The following FAM177A1 variants were observed in gnomAD, a reference collection of about 807,000 sequenced individuals.
FAM177A1 encodes protein FAM177A1.
FAM177A1 carries 22 observed loss-of-function variants against 26.1 expected under a neutral mutation model. The observed-to-expected ratio is 0.84, with a 90% CI of 0.60 to 1.20. FAM177A1 has a LOEUF of 1.20. FAM177A1 is among the 50% of genes most tolerant of loss of function. The pLI, the probability that FAM177A1 is intolerant of heterozygous loss-of-function variation, is 0.00. For missense variants in FAM177A1, 296 were observed against 291.1 expected, an observed-to-expected ratio of 1.02 and a Z score of -0.12; for synonymous variants, 95 against 99.3, an observed-to-expected ratio of 0.96 and a Z score of 0.26.
intron 2 of FAM177A1, among the ~76,000 whole-genome samples, chr14:35,069,275 A>G (rs1168129519): frequency 1.4e-5 from 2 of 146,972 alleles, no homozygotes; most frequent in African/African-American, 2.5e-5. Flanking sequence ...ATGCTTATCC[A>G]TTGGAGTAGG....
chr14:35,046,601 CG>C lies in FAM177A1; in HGVS notation c.139del (p.Ala47ArgfsTer10). On this transcript the variant is annotated frameshift_variant, in exon 1 of 5. Coordinates refer to ENST00000280987, the MANE Select transcript of FAM177A1 (RefSeq NM_173607.5). LOFTEE classifies it high-confidence loss of function. Reference sequence around the variant, plus strand: ...TCGCAGCCTCGGGAGCTGCGGCCGCCGCGGCATTCGGGGAATCTGCAGGGCA... The same window carrying C: ...TCGCAGCCTCGGGAGCTGCGGCCGCCCGGCATTCGGGGAATCTGCAGGGCA... Reference protein sequence around the residue: ...AVAASGAAAAAAFGESAGQMS... With the variant: ...AVAASGAAAAXAFGESAGQMS... 5 of 1,551,986 alleles carry C rather than the reference CG, an allele frequency of 3.2e-6. No homozygotes were observed. Among genetic ancestry groups the C allele is most frequent in the Non-Finnish European group, 2.6e-6 (3 of 1,149,192 alleles).
Position 35,052,923 on chromosome 14 carries a change from GA to G in FAM177A1, c.166-346del, listed in dbSNP as rs1012025894. Among the ~76,000 whole-genome samples, 29 of 151,320 alleles carry G rather than the reference GA, an allele frequency of 1.9e-4. No homozygotes were observed. The East Asian group carries it at 1.9e-3, about 10-fold the overall frequency. On this transcript the variant is annotated intron_variant, in intron 1 of 4. Coordinates refer to ENST00000280987, the MANE Select transcript of FAM177A1 (RefSeq NM_173607.5). Reference sequence around the variant, plus strand: ...GGCAACAGCCAGACCCTGTCTGGGGGAAAAAAAAATTCCATAGACTACTAAA... The same window carrying G: ...GGCAACAGCCAGACCCTGTCTGGGGGAAAAAAAATTCCATAGACTACTAAA...
chr14:35,046,675 C>T, intron 1 of FAM177A1, 47 bp downstream of exon 1: 1 of 1,496,918 alleles, frequency 6.7e-7, no homozygotes, highest in Non-Finnish European at 8.9e-7. Flanking sequence ...GAGCCGCCTC[C>T]TTGCCTTCTC....
At chr14:35,045,474 A>G (rs1566663827), upstream of FAM177A1, among the ~76,000 whole-genome samples, 1 of 152,344 alleles carries the variant, frequency 6.6e-6, no homozygotes, top group South Asian at 2.1e-4. Flanking sequence ...TTACAAGGTC[A>G]TACAACTTTA....
intron 2 of FAM177A1, among the ~76,000 whole-genome samples, chr14:35,074,117 A>C (rs1053798801): frequency 6.6e-6 from 1 of 152,226 alleles, no homozygotes; most frequent in African/African-American, 2.4e-5. Context: ...CAGAACTAAT[A>C]GAATATATGT....
rs750899979 is a variant in FAM177A1, at chr14:35,081,266, T to C, written c.*38T>C. On this transcript the variant is annotated 3_prime_UTR_variant, in exon 5 of 5. Coordinates refer to ENST00000280987, the MANE Select transcript of FAM177A1 (RefSeq NM_173607.5). ...ATCAAGCTTCAAACTCTTAAGTTTT[T>C]TTTTTTTAATACAAAAACTTTCACA... 1 of 1,557,964 alleles carries C rather than the reference T, an allele frequency of 6.4e-7. No homozygotes were observed. The highest frequency in any genetic ancestry group is 8.6e-7 in the Non-Finnish European group (1 of 1,159,814).
intron 1 of FAM177A1, chr14:35,051,014 G>T (rs2044959183): frequency 6.6e-6 from 1 of 152,148 alleles, no homozygotes; most frequent in Admixed American, 6.5e-5. Context: ...CTTGTTAAGG[G>T]CTGGGATTTA....
chr14:35,083,039 A>G lies in FAM177A1; in HGVS notation c.*1811A>G, dbSNP rs1220957271. On this transcript the variant is annotated 3_prime_UTR_variant, in exon 5 of 5. Transcript: ENST00000280987. ...GAATTATAGTTTACCAATAGTTCTA[A>G]AACATGCTAACCTGACCTTTTCCTT... 1 of 152,296 alleles carries G rather than the reference A, an allele frequency of 6.6e-6. No homozygotes were observed. The highest frequency in any genetic ancestry group is 1.5e-5 in the Non-Finnish European group (1 of 68,026). 9.4% of individuals were successfully genotyped at this position (152,296 alleles called of 1,614,324 possible).
chr14:35,069,900 G>A (rs1002978628), intron 2 of FAM177A1, among the ~76,000 whole-genome samples: 2 of 151,362 alleles, frequency 1.3e-5, no homozygotes, highest in East Asian at 2.0e-4. Flanking sequence ...GATAGATCAC[G>A]AAGTCAGGAG....
intron 4 of FAM177A1, 73 bp from the exon 5 acceptor site, chr14:35,080,949 T>A: frequency 7.6e-7 from 1 of 1,310,390 alleles, no homozygotes; most frequent in African/African-American, 1.6e-5. Flanking sequence ...AAGCTGACAG[T>A]GGGGAAAACA....
At position 35,081,414 on chromosome 14, in the gene FAM177A1, TATTTGTA is replaced by T; in HGVS notation, c.*187_*193del. ...GCAAAAGCCAGATCTGAAATTCAGATATTTGTACTGTTTTTACTGTGTATAGAAATTA... is the reference window on the plus strand; with the variant it reads ...GCAAAAGCCAGATCTGAAATTCAGATCTGTTTTTACTGTGTATAGAAATTA... On this transcript the variant is annotated 3_prime_UTR_variant, in exon 5 of 5. Coordinates refer to ENST00000280987, the MANE Select transcript of FAM177A1 (RefSeq NM_173607.5). 8.7e-6 allele frequency: 5 copies of T among 571,936 alleles called. No individual in the cohort carries two copies. The highest frequency in any genetic ancestry group is 1.1e-5 in the Non-Finnish European group (4 of 356,072). 35.4% of individuals were successfully genotyped at this position (571,936 alleles called of 1,614,324 possible).
At chr14:35,047,990 A>G (rs2044900997) in intron 1 of FAM177A1, among the ~76,000 whole-genome samples, 1 of 152,172 alleles carries the variant, frequency 6.6e-6, no homozygotes, top group African/African-American at 2.4e-5. Flanking sequence ...GCAACAGAGC[A>G]AGAACCCATC....
At chr14:35,063,692 ATTTGCTTTATGATTCCAAT>A (rs1242460170) in intron 2 of FAM177A1, among the ~76,000 whole-genome samples, 1 of 152,124 alleles carries the variant, frequency 6.6e-6, no homozygotes, top group Admixed American at 6.6e-5. Flanking sequence ...TATAAAATTG[ATTTGCTTTATGATTCCAAT>A]TTTGAAATAT....
Position 35,053,718 on chromosome 14 carries a change from G to A in FAM177A1, c.339+267G>A, listed in dbSNP as rs547946184. Among the ~76,000 whole-genome samples, 6 of 152,204 alleles carry A rather than the reference G, an allele frequency of 3.9e-5. No homozygotes were observed. The South Asian group carries it at 1.0e-3, about 26-fold the overall frequency. On this transcript the variant is annotated intron_variant, in intron 2 of 4. Transcript: ENST00000280987. ...TAGATTTAAGATTGATCAGCCAGGC[G>A]CGGTGGCTCACACCTGTAATCCCAG...
chr14:35,072,855 C>A (rs572822875), intron 2 of FAM177A1, among the ~76,000 whole-genome samples: 3 of 152,164 alleles, frequency 2.0e-5, no homozygotes, highest in African/African-American at 7.2e-5. Context: ...CTCCACCCCC[C>A]CTTTCCTTTC....
chr14:35,057,739 C>T (rs2045084415), intron 2 of FAM177A1, among the ~76,000 whole-genome samples: 1 of 151,932 alleles, frequency 6.6e-6, no homozygotes, highest in South Asian at 2.1e-4. Flanking sequence ...TCTTCCTTGA[C>T]CCATTGGTTA....
intron 2 of FAM177A1, among the ~76,000 whole-genome samples, chr14:35,069,360 AC>A (rs1331821685): frequency 1.3e-5 from 2 of 149,106 alleles, no homozygotes; most frequent in African/African-American, 2.5e-5. Flanking sequence ...ATCTCGGCTC[AC>A]CATAACCTCT....
At chr14:35,046,166 A>G (rs1011138667), upstream of FAM177A1, 254 of 256,336 alleles carry the variant, frequency 9.9e-4, 2 homozygotes, top group African/African-American at 5.3e-3. Context: ...AGGCGGTGCC[A>G]GGCGGGGATC....
At chr14:35,077,627 C>T (rs981323734) in intron 3 of FAM177A1, among the ~76,000 whole-genome samples, 1 of 151,734 alleles carries the variant, frequency 6.6e-6, no homozygotes, top group African/African-American at 2.4e-5. Flanking sequence ...GGACCACAGG[C>T]GCCCGCCACC....
Sources: gnomAD v4.1 joint callset for allele counts (sites outside exome capture counted in the v4.1 genomes callset) on GRCh38, gnomAD v4.1.1 for gene constraint, MANE v1.5 for transcripts, NCBI Gene and HGNC (gene_info 2026-07-23, HGNC 2026-07-21) for gene names.